Variants in ARMC7 observed in about 807,000 individuals in gnomAD.
ARMC7 encodes the protein armadillo repeat containing 7.
A neutral mutation model predicts 14.8 loss-of-function variants in ARMC7; 9 were observed. That is an observed-to-expected ratio of 0.61 (90% CI 0.37 to 1.06). The LOEUF (loss-of-function observed/expected upper bound fraction) is 1.06, where lower values mean the gene tolerates loss of function less well. Ranked by LOEUF, ARMC7 falls within the 50% of genes least tolerant of loss-of-function variation. ARMC7 has a pLI of 0.01. For synonymous variants in ARMC7, 125 were observed against 123.4 expected, an observed-to-expected ratio of 1.01 and a Z score of -0.09; for missense variants, 262 against 267.1, an observed-to-expected ratio of 0.98 and a Z score of 0.13.
intron 2 of ARMC7, among the ~76,000 whole-genome samples, chr17:75,119,510 G>A (rs1021304449): frequency 6.8e-5 from 10 of 147,716 alleles, no homozygotes; most frequent in African/African-American, 2.2e-4. Flanking sequence ...GTGCAGTGGC[G>A]CGATCTCGAC....
At chr17:75,123,797 G>A (rs970331632) in intron 2 of ARMC7, among the ~76,000 whole-genome samples, 4 of 151,950 alleles carry the variant, frequency 2.6e-5, no homozygotes, top group Non-Finnish European at 4.4e-5. Flanking sequence ...TGTAATCCCA[G>A]CTACTTGGGA....
At chr17:75,120,270 T>G (rs948419150) in intron 2 of ARMC7, among the ~76,000 whole-genome samples, 1 of 152,166 alleles carries the variant, frequency 6.6e-6, no homozygotes, top group Non-Finnish European at 1.5e-5. Context: ...TGTCCCTCCC[T>G]GCACCAGTGC....
chr17:75,119,147 C>CTGGTACACTGGTACAT (rs1341561978), intron 2 of ARMC7, among the ~76,000 whole-genome samples: 1 of 151,868 alleles, frequency 6.6e-6, no homozygotes, highest in Non-Finnish European at 1.5e-5. Flanking sequence ...GGACTGTACA[C>CTGGTACACTGGTACAT]TGGTACACTG....
intron 2 of ARMC7, among the ~76,000 whole-genome samples, chr17:75,113,238 G>A (rs145131020): frequency 0.022 from 3,349 of 151,684 alleles, 64 homozygotes; most frequent in Admixed American, 0.056. Flanking sequence ...TGGCCAGGCT[G>A]GTCTCAAACT....
In ARMC7 at chr17:75,128,982, G is replaced by A. The variant is rs940472788; in HGVS notation, c.541G>A (p.Ala181Thr). ...RQVAEARSRQ[A>T]HSALGIPLPR... The stretch of plus-strand genomic sequence containing the variant: ...GGTGGCCGAGGCCCGCAGCCGGCAG[G>A]CGCACTCTGCCCTGGGTATCCCACT... The change falls in exon 3 of 3, where the codon GCG (alanine) becomes ACG (threonine). Residue 181 changes from alanine (A) to threonine (T), a missense_variant. Coordinates refer to ENST00000245543, the MANE Select transcript of ARMC7 (RefSeq NM_024585.4). 2 of 1,601,594 alleles carry A rather than the reference G, an allele frequency of 1.2e-6. No homozygotes were observed. The highest frequency in any genetic ancestry group is 1.7e-5 in the Admixed American group (1 of 59,942).
At chr17:75,118,620 C>T (rs909826145) in intron 2 of ARMC7, among the ~76,000 whole-genome samples, 2 of 152,220 alleles carry the variant, frequency 1.3e-5, no homozygotes, top group African/African-American at 2.4e-5. Flanking sequence ...TCTTGTGGAT[C>T]TGCCCATTTA....
At position 75,128,389 on chromosome 17, in the gene ARMC7, T is replaced by G. The variant is rs190335289; in HGVS notation, c.236-288T>G. Among the ~76,000 whole-genome samples the G allele has an allele frequency of 7.6e-3, 1,158 of 152,118 alleles. 10 individuals are homozygous for G. Among genetic ancestry groups the G allele is most frequent in the Non-Finnish European group, 0.012 (841 of 67,984 alleles). On this transcript the variant is annotated intron_variant, in intron 2 of 2. Transcript: ENST00000245543. ...TGCCCGGGCCGGCCTTGTTTTAGGT[T>G]TTTACATTTAAGAAAGGGGAAAAAA... is the stretch of plus-strand genomic sequence containing the variant.
chr17:75,125,104 G>A (rs989660580), intron 2 of ARMC7, among the ~76,000 whole-genome samples: 2 of 152,220 alleles, frequency 1.3e-5, no homozygotes, highest in African/African-American at 4.8e-5. Flanking sequence ...CAGGACTCCA[G>A]AGAGGCCAAA....
chr17:75,119,695 T>C (rs1483471768), intron 2 of ARMC7, among the ~76,000 whole-genome samples: 2 of 151,366 alleles, frequency 1.3e-5, no homozygotes, highest in Non-Finnish European at 2.9e-5. Context: ...TTCCTGACCT[T>C]GTGATCCGCC....
rs1300041837 is a variant in ARMC7 at position 75,128,674 on chromosome 17, CAGG to C, written c.237_239del (p.Gly80del). The C allele has an allele frequency of 1.9e-6, 3 of 1,608,946 alleles. No individual in the cohort carries two copies. Among genetic ancestry groups the C allele is most frequent in the Non-Finnish European group, 2.5e-6 (3 of 1,177,002 alleles). ...ATCCAGACTCTTCCTTGCTCTCCCA[CAGG>C]AGGCCTGTGCAACCTGTGCCCAGAC... On this transcript the variant is annotated splice_acceptor_variant and coding_sequence_variant, in exon 3 of 3. Coordinates refer to ENST00000245543, the MANE Select transcript of ARMC7 (RefSeq NM_024585.4). LOFTEE classifies it high-confidence loss of function.
At position 75,113,394 on chromosome 17, in the gene ARMC7, G is replaced by T. The variant is rs1188659955; in HGVS notation, c.235+2788G>T. 2.7e-4 allele frequency among the ~76,000 whole-genome samples: 41 copies of T among 149,394 alleles called. 1 individual carries two copies. The highest frequency in any genetic ancestry group is 4.0e-4 in the Non-Finnish European group (27 of 67,532). ...TTTTGAGATGGAGTCTTGCTCTGTC[G>T]CCCAGGCTGGAGTGCAGTGGCGCGA... is the stretch of plus-strand genomic sequence containing the variant. On this transcript the variant is annotated intron_variant, in intron 2 of 2. Transcript: ENST00000245543.
In ARMC7 at chr17:75,125,063, C is replaced by T. The variant is rs1033575124; in HGVS notation, c.236-3614C>T. Among the ~76,000 whole-genome samples, 9 of 152,340 alleles carry T rather than the reference C, an allele frequency of 5.9e-5. No homozygotes were observed. The South Asian group carries it at 1.9e-3, about 32-fold the overall frequency. On this transcript the variant is annotated intron_variant, in intron 2 of 2. Transcript: ENST00000245543. ...ATGGGGAGAGGCGCTCAGTCAGGGC[C>T]TGCTTGCCCTCTGCTGCTGCTACTC...
intron 2 of ARMC7, among the ~76,000 whole-genome samples, chr17:75,118,036 G>T (rs73350582): frequency 0.06 from 9,045 of 151,018 alleles, 920 homozygotes; most frequent in African/African-American, 0.21. Flanking sequence ...CAGGAGAATC[G>T]CTTGAACCCA....
chr17:75,116,871 T>G (rs1598166133), intron 2 of ARMC7, among the ~76,000 whole-genome samples: 3 of 152,344 alleles, frequency 2.0e-5, no homozygotes. Context: ...CGTCTGTCCC[T>G]GCAGCCACCA....
At chr17:75,114,820 A>G in intron 2 of ARMC7, 1 of 397,616 alleles carries the variant, frequency 2.5e-6, no homozygotes, top group Non-Finnish European at 4.4e-6. Context: ...TGCAAATGAA[A>G]TTTCTCGAAA....
chr17:75,110,402 G>A, intron 1 of ARMC7, 23 bp downstream of exon 1: 1 of 1,614,172 alleles, frequency 6.2e-7, no homozygotes, highest in Non-Finnish European at 8.5e-7. Flanking sequence ...GTGGGATCAG[G>A]TGGCAGGGTC....
intron 2 of ARMC7, among the ~76,000 whole-genome samples, chr17:75,123,205 AT>A (rs555791092): frequency 3.1e-3 from 392 of 125,548 alleles, no homozygotes; most frequent in African/African-American, 3.2e-3. Context: ...GGCCCAGCTA[AT>A]TTTTTTTTTT....
chr17:75,119,772 C>G (rs1031948409), intron 2 of ARMC7, among the ~76,000 whole-genome samples: 9 of 151,330 alleles, frequency 5.9e-5, no homozygotes, highest in African/African-American at 2.2e-4. Context: ...GCTGTGAAGA[C>G]TTTGACCCTG....
rs774646257 is a variant in ARMC7, at chr17:75,128,938, A to G, written c.497A>G (p.Asp166Gly). The change falls in exon 3 of 3, where the codon GAC becomes GGC. Residue 166 changes from aspartate (D) to glycine (G), a missense_variant. Asp to Gly is a moderately conservative substitution (Grantham distance 94). Transcript: ENST00000245543. ...AACCTGGCACAGATCTTCCTGGAGG[A>G]CTTCTGCTCCCCCCGCCAGGTGGCC... The part of the protein sequence containing the change: ...LRNLAQIFLE[D>G]FCSPRQVAEA... 23 of 1,607,116 alleles carry G rather than the reference A, an allele frequency of 1.4e-5. No homozygotes were observed. Among genetic ancestry groups the G allele is most frequent in the South Asian group, 2.2e-5 (2 of 90,958 alleles).
Sources: gnomAD v4.1 joint callset for allele counts (sites outside exome capture counted in the v4.1 genomes callset) on GRCh38, gnomAD v4.1.1 for gene constraint, MANE v1.5 for transcripts, NCBI Gene and HGNC (gene_info 2026-07-23, HGNC 2026-07-21) for gene names.